CDK12: variants seen among roughly 807,000 people sequenced by gnomAD.
CDK12 encodes cyclin-dependent kinase 12.
A neutral mutation model predicts 133.8 loss-of-function variants in CDK12; 17 were observed. The observed-to-expected ratio is 0.13, with a 90% confidence interval of 0.09 to 0.19. The LOEUF (loss-of-function observed/expected upper bound fraction) is 0.19. CDK12 is among the 10% of genes least tolerant of loss of function. The pLI, the probability that CDK12 is intolerant of heterozygous loss-of-function variation, is 1.00. For synonymous variants in CDK12, 694 were observed against 683.6 expected (o/e 1.02, Z -0.24); for missense variants, 1,508 against 1,818.7 (o/e 0.83, Z 3.11).
intron 3 of CDK12, among the ~76,000 whole-genome samples, chr17:39,491,346 C>T (rs1359847971): frequency 1.3e-5 from 2 of 152,118 alleles, no homozygotes; most frequent in Non-Finnish European, 2.9e-5. Context: ...AAGCAACTCT[C>T]CTGCCTCAGC....
At chr17:39,497,533 ACT>A (rs1009537967) in intron 5 of CDK12, among the ~76,000 whole-genome samples, 2 of 150,332 alleles carry the variant, frequency 1.3e-5, no homozygotes, top group Admixed American at 6.7e-5. Flanking sequence ...ACAGAGCAAG[ACT>A]CTGTCTCAAA....
At position 39,471,421 on chromosome 17, in the gene CDK12, C is replaced by T. The variant is rs555751910; in HGVS notation, c.1589C>T (p.Pro530Leu). ...GAAAAGGAGACCCCTCCACCTCTTC[C>T]CACAATTGCTTCTCCCCCACCCCCT... Reference protein sequence around the residue: ...TSEKETPPPLPTIASPPPPLP... With the variant: ...TSEKETPPPLLTIASPPPPLP... The change falls in exon 2 of 14, where the codon CCC becomes CTC. Residue 530 changes from proline to leucine, a missense_variant. This residue lies in a region of CDK12 where 347 missense variants were observed against 330.8 expected (regional missense o/e 1.05). Coordinates refer to ENST00000447079, the MANE Select transcript of CDK12 (RefSeq NM_016507.4). 2.3e-5 allele frequency: 37 copies of T among 1,613,868 alleles called. 1 individual carries two copies. In the South Asian group the frequency reaches 3.7e-4, roughly 16 times the overall value.
chr17:39,463,039 C>G lies in CDK12; in HGVS notation c.968C>G (p.Ser323Trp), dbSNP rs2049059065. 1.9e-6 allele frequency: 3 copies of G among 1,614,202 alleles called. No homozygotes were observed. The highest frequency in any genetic ancestry group is 2.5e-6 in the Non-Finnish European group (3 of 1,180,046). ...AGAAGTGGCTCTTACAGCGGGCGAT[C>G]GCCCAGTCCCTATGGTCGAAGGCGG... ...YERSGSYSGR[S>W]PSPYGRRRSS... is the part of the protein sequence containing the mutation. Residue 323 changes from serine to tryptophan, a missense_variant, in exon 1 of 14, where the codon TCG becomes TGG. By Grantham distance (177) the Ser-to-Trp change is radical. This residue lies in a region of CDK12 where 460 missense variants were observed against 490.8 expected (regional missense o/e 0.94). Transcript: ENST00000447079.
intron 6 of CDK12, among the ~76,000 whole-genome samples, chr17:39,505,523 CAA>C (rs369918356): frequency 1.0e-5 from 1 of 97,730 alleles, no homozygotes; most frequent in African/African-American, 4.4e-5. Flanking sequence ...GACTCCGTCT[CAA>C]AAAAAAAAAA....
chr17:39,551,766 C>G (rs1187276856), intron 2 of CDK12, among the ~76,000 whole-genome samples: 1 of 152,088 alleles, frequency 6.6e-6, no homozygotes, highest in Non-Finnish European at 1.5e-5. Context: ...TGTACCCATC[C>G]CCAACCCCTT....
chr17:39,524,837 C>G lies in CDK12; in HGVS notation c.3259C>G (p.Pro1087Ala). 1 of 1,614,232 alleles carries G rather than the reference C, an allele frequency of 6.2e-7. No homozygotes were observed. Among genetic ancestry groups the G allele is most frequent in the Non-Finnish European group, 8.5e-7 (1 of 1,180,042 alleles). Residue 1087 changes from proline to alanine, a missense_variant, in exon 12 of 14, where the codon CCT becomes GCT. Around this residue, in one of 9 missense-constraint regions of CDK12, gnomAD observed 399 missense variants for 469.6 expected, o/e 0.85. Transcript: ENST00000447079. ...EPVKNSSPAP[P>A]QPAPGKVESG... Reference sequence around the variant, plus strand: ...TGTGAAGAACAGCAGCCCAGCACCACCTCAGCCTGCTCCTGGCAAGGTGGA... The same window carrying G: ...TGTGAAGAACAGCAGCCCAGCACCAGCTCAGCCTGCTCCTGGCAAGGTGGA...
intron 5 of CDK12, among the ~76,000 whole-genome samples, chr17:39,498,586 T>C (rs2052327988): frequency 6.6e-6 from 1 of 151,954 alleles, no homozygotes; most frequent in Non-Finnish European, 1.5e-5. Flanking sequence ...CTAGAGTACA[T>C]TGGTGCAATC....
intron 2 of CDK12, among the ~76,000 whole-genome samples, chr17:39,478,669 A>C (rs1007223589): frequency 6.6e-6 from 1 of 152,132 alleles, no homozygotes; most frequent in Non-Finnish European, 1.5e-5. Flanking sequence ...TGTTTCTACC[A>C]TTAAACAAGA....
At chr17:39,475,742 T>G (rs1028088113) in intron 2 of CDK12, among the ~76,000 whole-genome samples, 1 of 151,798 alleles carries the variant, frequency 6.6e-6, no homozygotes, top group African/African-American at 2.4e-5. Context: ...AGACAGGGTT[T>G]CACCATGTTG....
At chr17:39,556,874 C>G (rs1395278015) in intron 3 of CDK12, 1 of 152,170 alleles carries the variant, frequency 6.6e-6, no homozygotes, top group South Asian at 2.1e-4. Flanking sequence ...TCTTAGGCCC[C>G]TGCTGCCCTC....
chr17:39,555,070 C>T (rs1490982112), intron 2 of CDK12, among the ~76,000 whole-genome samples: 1 of 151,636 alleles, frequency 6.6e-6, no homozygotes, highest in Non-Finnish European at 1.5e-5. Flanking sequence ...ATGGTGAAAC[C>T]CTGTCTCTAT....
chr17:39,480,999 A>C (rs142468090), intron 2 of CDK12, among the ~76,000 whole-genome samples: 8,165 of 151,940 alleles, frequency 0.054, 242 homozygotes, highest in Non-Finnish European at 0.079. Context: ...CACGCCTGTA[A>C]TCCCAGCACT....
chr17:39,471,420 C>T lies in CDK12; in HGVS notation c.1588C>T (p.Pro530Ser), dbSNP rs56121596. The T allele has an allele frequency of 3.1e-6, 5 of 1,613,726 alleles. No homozygotes were observed. The African/African-American group carries it at 5.3e-5, about 17-fold the overall frequency. Residue 530 changes from proline to serine, a missense_variant, in exon 2 of 14, where the codon CCC becomes TCC. Pro to Ser is a moderately conservative substitution (Grantham distance 74). This residue lies in a region of CDK12 where 347 missense variants were observed against 330.8 expected (regional missense o/e 1.05). Coordinates refer to ENST00000447079, the MANE Select transcript of CDK12 (RefSeq NM_016507.4). Reference sequence around the variant, plus strand: ...AGAAAAGGAGACCCCTCCACCTCTTCCCACAATTGCTTCTCCCCCACCCCC... The same window carrying T: ...AGAAAAGGAGACCCCTCCACCTCTTTCCACAATTGCTTCTCCCCCACCCCC... The part of the protein sequence containing the change: ...TSEKETPPPL[P>S]TIASPPPPLP...
Position 39,471,309 on chromosome 17 carries a change from A to G in CDK12, c.1477A>G (p.Lys493Glu). The G allele has an allele frequency of 1.2e-6, 2 of 1,613,732 alleles. No homozygotes were observed. Among genetic ancestry groups the G allele is most frequent in the Non-Finnish European group, 1.7e-6 (2 of 1,179,688 alleles). ...LDENSEKHLV[K>E]DLKAQGTRDS... ...TGAGAACTCCGAGAAGCATCTTGTTAAAGATTTGAAAGCACAGGGAACAAG... is the reference window on the plus strand; with the variant it reads ...TGAGAACTCCGAGAAGCATCTTGTTGAAGATTTGAAAGCACAGGGAACAAG... The change falls in exon 2 of 14, where the codon AAA becomes GAA. Residue 493 changes from lysine (K) to glutamate (E), a missense_variant. Lys to Glu is a moderately conservative substitution (Grantham distance 56, BLOSUM62 1). Coordinates refer to ENST00000447079, the MANE Select transcript of CDK12 (RefSeq NM_016507.4).
intron 2 of CDK12, among the ~76,000 whole-genome samples, chr17:39,486,845 A>G (rs2051170720): frequency 6.6e-6 from 1 of 151,994 alleles, no homozygotes; most frequent in Non-Finnish European, 1.5e-5. Flanking sequence ...CATCTCTACT[A>G]AAAATACAAA....
Position 39,462,424 on chromosome 17 carries a change from G to T in CDK12, c.353G>T (p.Arg118Leu), listed in dbSNP as rs1014209082. 1 of 1,614,070 alleles carries T rather than the reference G, an allele frequency of 6.2e-7. No individual in the cohort carries two copies. Among genetic ancestry groups the T allele is most frequent in the Non-Finnish European group, 8.5e-7 (1 of 1,180,018 alleles). Reference protein sequence around the residue: ...LHKHRHHQHRRSRDLLKAKQT... With the variant: ...LHKHRHHQHRLSRDLLKAKQT... ...AAACATCGTCACCACCAGCACAGGC[G>T]TTCCCGGGACTTACTAAAAGCTAAA... Residue 118 changes from arginine (R) to leucine (L), a missense_variant, in exon 1 of 14, where the codon CGT (arginine) becomes CTT (leucine). Coordinates refer to ENST00000447079, the MANE Select transcript of CDK12 (RefSeq NM_016507.4).
intron 3 of CDK12, among the ~76,000 whole-genome samples, chr17:39,562,364 C>A (rs1474606673): frequency 6.6e-6 from 1 of 152,196 alleles, no homozygotes; most frequent in Non-Finnish European, 1.5e-5. Context: ...CTAGCTCTTT[C>A]ACCTCTACCC....
chr17:39,508,257 C>T (rs1302560837), intron 6 of CDK12, among the ~76,000 whole-genome samples: 7 of 152,080 alleles, frequency 4.6e-5, no homozygotes, highest in African/African-American at 1.7e-4. Flanking sequence ...TTTGGATGCA[C>T]AATCTATATC....
intron 5 of CDK12, among the ~76,000 whole-genome samples, chr17:39,495,919 G>GT (rs919569269): frequency 2.1e-4 from 32 of 149,512 alleles, no homozygotes; most frequent in African/African-American, 3.2e-4. Flanking sequence ...TTTTGTTTTT[G>GT]TTTTTTTTTT....
Sources: allele counts gnomAD v4.1 joint callset (sites outside exome capture counted in the v4.1 genomes callset), GRCh38; gene constraint gnomAD v4.1.1; regional missense constraint gnomAD v4.1.1; transcripts MANE v1.5; gene names NCBI Gene and HGNC (gene_info 2026-07-23, HGNC 2026-07-21).